Variants in PFKFB4 observed in about 807,000 individuals in gnomAD.
PFKFB4 encodes the protein 6-phosphofructo-2-kinase/fructose-2,6-bisphosphatase 4.
A neutral mutation model predicts 62.8 loss-of-function variants in PFKFB4; 42 were observed. That is an observed-to-expected ratio of 0.67 (90% CI 0.52 to 0.86). The LOEUF (loss-of-function observed/expected upper bound fraction) is 0.86, where lower values mean the gene tolerates loss of function less well. PFKFB4 is among the 40% of genes least tolerant of loss of function. The pLI is 0.00. For synonymous variants in PFKFB4, 204 were observed against 240.7 expected (o/e 0.85, Z 1.41); for missense variants, 475 against 627.2 (o/e 0.76, Z 2.59).
upstream of PFKFB4, chr3:48,556,848 T>C: frequency 1.4e-6 from 2 of 1,469,378 alleles, no homozygotes; most frequent in Non-Finnish European, 1.8e-6. This position sits in a 1 kb window ranked among gnomAD's most constrained non-coding sequence, Gnocchi z 5.7. Flanking sequence ...CCACCCGAGG[T>C]CCCGCCCCTT....
rs1230493312 is a variant in PFKFB4 at position 48,543,631 on chromosome 3, T to G, written c.327A>C (p.Ala109=). ...GLKIRKQCAL[A]ALRDVRRFLS... is the part of the protein sequence containing the mutation. The stretch of plus-strand genomic sequence containing the variant: ...GGAACCGCCGGACGTCACGGAGGGC[T>G]GCCAGGGCACACTGCCTTCAGGAGA... The change falls in exon 4 of 14, where the codon GCA becomes GCC. Residue 109 remains alanine, a synonymous_variant. Coordinates refer to ENST00000232375, the MANE Select transcript of PFKFB4 (RefSeq NM_004567.4). The G allele has an allele frequency of 6.2e-7, 1 of 1,611,810 alleles. No individual in the cohort carries two copies. Among genetic ancestry groups the G allele is most frequent in the Non-Finnish European group, 8.5e-7 (1 of 1,179,244 alleles).
intron 1 of PFKFB4, among the ~76,000 whole-genome samples, chr3:48,551,398 T>C (rs1222626469): frequency 6.6e-6 from 1 of 150,690 alleles, no homozygotes; most frequent in Admixed American, 6.6e-5. Context: ...GTATTTTCAG[T>C]AGAGACGGGG....
intron 1 of PFKFB4, among the ~76,000 whole-genome samples, chr3:48,552,923 C>T (rs1004071159): frequency 6.6e-6 from 1 of 152,340 alleles, no homozygotes; most frequent in African/African-American, 2.4e-5. Flanking sequence ...TACCTATCTC[C>T]TCTGCTCCCC....
intron 1 of PFKFB4, 133 bp from the exon 2 acceptor site, chr3:48,550,367 C>T: frequency 3.0e-6 from 2 of 666,542 alleles, no homozygotes; most frequent in South Asian, 1.7e-5. Context: ...TCCTAGCATC[C>T]CCACACAGCT....
chr3:48,554,778 A>G (rs1033411109), intron 1 of PFKFB4, among the ~76,000 whole-genome samples: 8 of 152,178 alleles, frequency 5.3e-5, no homozygotes, highest in Admixed American at 4.6e-4. Context: ...TTGGCTAGGC[A>G]TGGCAGCTCA....
chr3:48,531,076 A>T lies in PFKFB4; in HGVS notation c.987+4436T>A, dbSNP rs2042412101. ...AAAAGGGAAAAAATATAATAAAAAA[A>T]TATGGACAGGTTGGGCATGGTGGTT... is the stretch of plus-strand genomic sequence containing the variant. On this transcript the variant is annotated intron_variant, in intron 9 of 13. Coordinates refer to ENST00000232375, the MANE Select transcript of PFKFB4 (RefSeq NM_004567.4). 3.9e-5 allele frequency among the ~76,000 whole-genome samples: 6 copies of T among 152,200 alleles called. No individual in the cohort carries two copies. In the South Asian group the frequency reaches 1.2e-3, roughly 32 times the overall value.
chr3:48,550,265 G>A (rs902328481), intron 1 of PFKFB4, 31 bp from the exon 2 acceptor site: 3 of 1,445,996 alleles, frequency 2.1e-6, no homozygotes, highest in African/African-American at 1.4e-5. Context: ...TGTCAGATGA[G>A]GGCTGGGACC....
In PFKFB4 at chr3:48,535,716, C is replaced by T. The variant is rs1288329935; in HGVS notation, c.841-58G>A. The T allele has an allele frequency of 2.5e-6, 4 of 1,604,284 alleles. No homozygotes were observed. The Admixed American group carries it at 5.0e-5, about 20-fold the overall frequency. ...AGGTCTTGGGCTGCCCTTAAAGCAT[C>T]CCATAGCCGCAGGGTCCATGAGATC... On this transcript the variant is annotated intron_variant, in intron 8 of 13. Transcript: ENST00000232375.
At chr3:48,534,733 A>C (rs867313714) in intron 9 of PFKFB4, among the ~76,000 whole-genome samples, 1 of 152,094 alleles carries the variant, frequency 6.6e-6, no homozygotes, top group South Asian at 2.1e-4. Context: ...AGGAGGTAAC[A>C]TTATATCCAG....
At position 48,539,735 on chromosome 3, in the gene PFKFB4, C is replaced by A; in HGVS notation, c.415G>T (p.Ala139Ser). The A allele has an allele frequency of 6.2e-7, 1 of 1,614,212 alleles. No individual in the cohort carries two copies. The highest frequency in any genetic ancestry group is 8.5e-7 in the Non-Finnish European group (1 of 1,180,014). The part of the protein sequence containing the change: ...DATNTTRERR[A>S]TIFNFGEQNG... ...TGTTCTCCAAAATTAAAGATGGTCG[C>A]TCTCCGTTCTCGGGTGGTGTTTGTG... Residue 139 changes from alanine (A) to serine (S), a missense_variant, in exon 5 of 14, where the codon GCG becomes TCG. Physicochemically the swap from Ala to Ser is moderately conservative, Grantham distance 99. Coordinates refer to ENST00000232375, the MANE Select transcript of PFKFB4 (RefSeq NM_004567.4).
intron 9 of PFKFB4, among the ~76,000 whole-genome samples, chr3:48,532,500 T>C (rs1175315241): frequency 1.3e-5 from 2 of 152,152 alleles, no homozygotes; most frequent in East Asian, 3.9e-4. Context: ...CATTGGCAGA[T>C]GAATGGATAC....
At chr3:48,551,411 T>G (rs1178639732) in intron 1 of PFKFB4, among the ~76,000 whole-genome samples, 1 of 150,458 alleles carries the variant, frequency 6.6e-6, no homozygotes, top group African/African-American at 2.5e-5. Flanking sequence ...AGACGGGGTT[T>G]CGGCATGTTG....
At chr3:48,528,122 T>C (rs2042322512) in intron 9 of PFKFB4, among the ~76,000 whole-genome samples, 1 of 151,964 alleles carries the variant, frequency 6.6e-6, no homozygotes, top group South Asian at 2.1e-4. Flanking sequence ...GAAAAGGTAA[T>C]CCATGTTATA....
intron 9 of PFKFB4, 67 bp from the exon 10 acceptor site, chr3:48,525,736 G>T: frequency 2.5e-6 from 2 of 797,738 alleles, no homozygotes; most frequent in Non-Finnish European, 4.0e-6. Context: ...GACATGTGGG[G>T]TGAGGCAGCA....
chr3:48,553,624 A>AGAC (rs955064968), intron 1 of PFKFB4, among the ~76,000 whole-genome samples: 2 of 152,244 alleles, frequency 1.3e-5, no homozygotes, highest in Non-Finnish European at 1.5e-5. Context: ...AAGGGGCCTG[A>AGAC]GACGTGCCTG....
Position 48,550,108 on chromosome 3 carries a change from C to A in PFKFB4, c.214+10G>T, listed in dbSNP as rs1438026232. The A allele has an allele frequency of 1.8e-5, 28 of 1,587,524 alleles. No individual in the cohort carries two copies. Among genetic ancestry groups the A allele is most frequent in the Non-Finnish European group, 2.3e-5 (27 of 1,155,880 alleles). On this transcript the variant is annotated intron_variant, in intron 2 of 13. Coordinates refer to ENST00000232375, the MANE Select transcript of PFKFB4 (RefSeq NM_004567.4). ...AAAGCTCCCCTTAGACAGCTGGGGC[C>A]AAGCCTCACCCCGAGTGGGCACACC...
chr3:48,536,508 G>T (rs373236552), intron 7 of PFKFB4, 45 bp from the exon 8 acceptor site: 2 of 1,485,498 alleles, frequency 1.3e-6, no homozygotes, highest in African/African-American at 2.8e-5. Flanking sequence ...CGTGGCCAGG[G>T]TTCTCACAGA....
At chr3:48,541,086 ATTT>A (rs763161680) in intron 4 of PFKFB4, among the ~76,000 whole-genome samples, 3 of 128,364 alleles carry the variant, frequency 2.3e-5, no homozygotes, top group Non-Finnish European at 1.7e-5. Flanking sequence ...CATCTGGCTA[ATTT>A]TTTTTTTTTT....
intron 1 of PFKFB4, among the ~76,000 whole-genome samples, chr3:48,551,663 G>A (rs965633275): frequency 6.8e-6 from 1 of 146,852 alleles, no homozygotes; most frequent in Non-Finnish European, 1.5e-5. Flanking sequence ...TCGTGCCTCA[G>A]CCTCTCAAGT....
Sources: allele counts gnomAD v4.1 joint callset (sites outside exome capture counted in the v4.1 genomes callset), GRCh38; gene constraint gnomAD v4.1.1; non-coding constraint Gnocchi (gnomAD v3.1); transcripts MANE v1.5; gene names NCBI Gene and HGNC (gene_info 2026-07-23, HGNC 2026-07-21).